Variants in DDB1 observed in about 807,000 individuals in gnomAD.
DDB1 encodes damage specific DNA binding protein 1.
Under a neutral mutation model 133.1 loss-of-function variants are expected in DDB1, and 18 were observed. The ratio of observed to expected loss-of-function variants is 0.14; its 90% CI spans 0.09 to 0.20. The LOEUF is 0.20. DDB1 is among the 10% of genes least tolerant of loss of function. The probability of loss-of-function intolerance (pLI) is 1.00; values close to 1 mark genes in which losing one functional copy is unlikely to be tolerated. For synonymous variants in DDB1, 580 were observed against 550.5 expected (o/e 1.05, Z -0.75); for missense variants, 828 against 1,459.2 (o/e 0.57, Z 7.05).
Position 61,308,977 on chromosome 11 carries a change from C to T in DDB1, c.2661+6G>A. On this transcript the variant is annotated splice_donor_region_variant and intron_variant, in intron 21 of 26. Transcript: ENST00000301764. ...TAAAGTAAGTACCAAGTGGTCCAGG[C>T]CTCACCGTGCTATTGATGCTGGCTA... is the stretch of plus-strand genomic sequence containing the variant. The T allele has an allele frequency of 6.2e-7, 1 of 1,614,058 alleles. No individual in the cohort carries two copies. The highest frequency in any genetic ancestry group is 8.5e-7 in the Non-Finnish European group (1 of 1,179,924).
chr11:61,302,840 A>T, intron 23 of DDB1, 89 bp from the exon 24 acceptor site: 3 of 1,537,144 alleles, frequency 2.0e-6, no homozygotes, highest in Non-Finnish European at 2.7e-6. Flanking sequence ...CACGGTGCTC[A>T]ATTTCCCTGG....
intron 7 of DDB1, 62 bp downstream of exon 7, chr11:61,323,917 A>C (rs1856226458): frequency 6.3e-7 from 1 of 1,581,672 alleles, no homozygotes; most frequent in Admixed American, 1.7e-5. Flanking sequence ...GTGGGACCAC[A>C]CATTTGGTGT....
intron 21 of DDB1, among the ~76,000 whole-genome samples, chr11:61,308,131 C>A (rs571051085): frequency 6.6e-6 from 1 of 152,328 alleles, no homozygotes; most frequent in Admixed American, 6.5e-5. Context: ...CTGAATAAAA[C>A]CCTGATATGG....
intron 26 of DDB1, 23 bp from the exon 27 acceptor site, chr11:61,300,242 G>C (rs1855770815): frequency 6.2e-7 from 1 of 1,611,838 alleles, no homozygotes; most frequent in African/African-American, 1.3e-5. Flanking sequence ...GATGGGCGGG[G>C]CTGTGAGGAC....
At chr11:61,328,209 CA>C (rs1856300047) in intron 4 of DDB1, among the ~76,000 whole-genome samples, 1 of 152,184 alleles carries the variant, frequency 6.6e-6, no homozygotes, top group South Asian at 2.1e-4. Flanking sequence ...TAAGATCAAA[CA>C]AAATCTCCTG....
At chr11:61,303,511 AC>A in intron 22 of DDB1, among the ~76,000 whole-genome samples, 1 of 151,828 alleles carries the variant, frequency 6.6e-6, no homozygotes, top group Non-Finnish European at 1.5e-5. Flanking sequence ...ACAAGGTGAA[AC>A]CCCGTCTCTA....
In DDB1 at chr11:61,329,531, C is replaced by T; in HGVS notation, c.381G>A (p.Glu127=). The change falls in exon 4 of 27, where the codon GAG becomes GAA. Residue 127 remains glutamate, a synonymous_variant. Transcript: ENST00000301764. ...ETGIIGIIDP[E]CRMIGLRLYD... is the part of the protein sequence containing the mutation. ...AGAGACGCAGGCCAATCATCCGGCA[C>T]TCAGGGTCAATGATGCCAATAATGC... 1 of 1,614,178 alleles carries T rather than the reference C, an allele frequency of 6.2e-7. No individual in the cohort carries two copies. Among genetic ancestry groups the T allele is most frequent in the Non-Finnish European group, 8.5e-7 (1 of 1,180,014 alleles).
intron 8 of DDB1, 139 bp from the exon 9 acceptor site, chr11:61,322,551 G>A (rs1185666511): frequency 4.3e-6 from 3 of 694,066 alleles, no homozygotes; most frequent in Non-Finnish European, 7.6e-6. Flanking sequence ...GATGATTCCA[G>A]AAGGGGACTA....
rs573265150 is a variant in DDB1, at chr11:61,322,188, C to T, written c.1122+108G>A. ...TATATCACTGGGATTCATGAGGGGG[C>T]TCTTAAAAGTATTTTCAGTGCACCC... is the stretch of plus-strand genomic sequence containing the variant. On this transcript the variant is annotated intron_variant, in intron 9 of 26. Transcript: ENST00000301764. The T allele has an allele frequency of 1.0e-5, 9 of 862,292 alleles. No individual in the cohort carries two copies. The African/African-American group carries it at 1.5e-4, about 14-fold the overall frequency. 53.4% of individuals were successfully genotyped at this position (862,292 alleles called of 1,614,324 possible). A position where few individuals can be genotyped will look rare whatever the true frequency, so the allele number is the denominator to read the frequency against.
Position 61,311,666 on chromosome 11 carries a change from A to T in DDB1, c.2277+118T>A, listed in dbSNP as rs966007105. ...TCAGGCTACGATGGCAAAGTTGAAC[A>T]GTCAGTGGTAACTGAGACCACACTG... On this transcript the variant is annotated intron_variant, in intron 18 of 26. Coordinates refer to ENST00000301764, the MANE Select transcript of DDB1 (RefSeq NM_001923.5). 11 of 816,916 alleles carry T rather than the reference A, an allele frequency of 1.3e-5. No individual in the cohort carries two copies. The African/African-American group carries it at 1.9e-4, about 14-fold the overall frequency. The allele number at this position is 816,916 out of a possible 1,614,324, so 50.6% of individuals were successfully genotyped here.
intron 9 of DDB1, 79 bp from the exon 10 acceptor site, chr11:61,321,776 G>A (rs542506574): frequency 3.8e-5 from 47 of 1,242,910 alleles, no homozygotes; most frequent in Admixed American, 2.2e-4. Context: ...AAGTAAACAC[G>A]GTATACCTAA....
chr11:61,325,776 T>C, intron 5 of DDB1, 68 bp from the exon 6 acceptor site: 2 of 1,306,934 alleles, frequency 1.5e-6, no homozygotes, highest in Non-Finnish European at 2.2e-6. Context: ...CTGGCAAAAG[T>C]ACAGGTCTAG....
At chr11:61,316,219 G>A (rs1250133974) in intron 12 of DDB1, 66 bp downstream of exon 12, 2 of 1,371,010 alleles carry the variant, frequency 1.5e-6, no homozygotes, top group Admixed American at 2.0e-5. Flanking sequence ...AAATCCAGTG[G>A]TGCTCTGTAC....
At chr11:61,303,452 G>A in intron 22 of DDB1, 2 of 323,482 alleles carry the variant, frequency 6.2e-6, no homozygotes, top group South Asian at 3.3e-5. Flanking sequence ...ACTTTGGGAG[G>A]CCGTGGCGGG....
rs1856333636 is a variant in DDB1 at position 61,329,689 on chromosome 11, T to C, written c.328-105A>G. 3.7e-6 allele frequency: 4 copies of C among 1,074,052 alleles called. No homozygotes were observed. The Admixed American group carries it at 7.0e-5, about 19-fold the overall frequency. The allele number at this position is 1,074,052 out of a possible 1,614,324, so 66.5% of individuals were successfully genotyped here. On this transcript the variant is annotated intron_variant, in intron 3 of 26. Transcript: ENST00000301764. Reference sequence around the variant, plus strand: ...AAAATTTTAGGAGAGGTATTAAAACTAATGGATCTATTTGATAGGCCAAAT... The same window carrying C: ...AAAATTTTAGGAGAGGTATTAAAACCAATGGATCTATTTGATAGGCCAAAT...
intron 18 of DDB1, chr11:61,311,148 A>G (rs1349674921): frequency 6.6e-6 from 1 of 152,642 alleles, no homozygotes; most frequent in Non-Finnish European, 1.5e-5. Context: ...ACTACTCAGG[A>G]GGCTGGGCCA....
rs540753730 is a variant in DDB1, at chr11:61,300,793, A to C, written c.3339+16T>G. 2.5e-6 allele frequency: 4 copies of C among 1,614,062 alleles called. No individual in the cohort carries two copies. The highest frequency in any genetic ancestry group is 2.7e-5 in the African/African-American group (2 of 75,004). Reference sequence around the variant, plus strand: ...GTGGACTTGTCTGGCCCAGGGTTAAACACCACACAGCTCACCTGTAGGTTT... The same window carrying C: ...GTGGACTTGTCTGGCCCAGGGTTAACCACCACACAGCTCACCTGTAGGTTT... On this transcript the variant is annotated intron_variant, in intron 26 of 26. Transcript: ENST00000301764.
At chr11:61,310,464 A>T (rs1855946366) in intron 18 of DDB1, 46 bp from the exon 19 acceptor site, 1 of 1,552,334 alleles carries the variant, frequency 6.4e-7, no homozygotes, top group Non-Finnish European at 8.7e-7. Flanking sequence ...ACACAGAAGA[A>T]GTGCTGAGAC....
intron 22 of DDB1, 143 bp downstream of exon 22, chr11:61,303,722 A>C (rs905107126): frequency 4.3e-6 from 4 of 926,272 alleles, no homozygotes; most frequent in Non-Finnish European, 6.2e-6. Flanking sequence ...AAAAAAAAAA[A>C]AACTTAATCA....
Sources: allele counts gnomAD v4.1 joint callset (sites outside exome capture counted in the v4.1 genomes callset), GRCh38; gene constraint gnomAD v4.1.1; transcripts MANE v1.5; gene names NCBI Gene and HGNC (gene_info 2026-07-23, HGNC 2026-07-21).